The following NINJ2 variants were observed in gnomAD, a reference collection of about 807,000 sequenced individuals.
NINJ2 encodes ninjurin 2.
NINJ2 carries 12 observed loss-of-function variants against 11.7 expected under a neutral mutation model. The observed-to-expected ratio is 1.02, with a 90% CI of 0.66 to 1.66. The LOEUF (loss-of-function observed/expected upper bound fraction) is 1.66. Among genes scored for constraint, NINJ2 ranks in the 40% most tolerant of loss-of-function variants. The pLI is 0.00. For synonymous variants in NINJ2, 93 were observed against 76.8 expected (o/e 1.21, Z -1.10); for missense variants, 187 against 181.8 (o/e 1.03, Z -0.16).
At chr12:608,970 T>C (rs1947976223) in intron 1 of NINJ2, among the ~76,000 whole-genome samples, 1 of 152,120 alleles carries the variant, frequency 6.6e-6, no homozygotes, top group African/African-American at 2.4e-5. Context: ...TAATTCAATC[T>C]AGGCAACACT....
intron 1 of NINJ2, among the ~76,000 whole-genome samples, chr12:620,376 A>G (rs935487452): frequency 2.6e-5 from 4 of 152,264 alleles, no homozygotes; most frequent in Admixed American, 1.3e-4. Flanking sequence ...GGTCTCAGAC[A>G]GTATGGGGTC....
chr12:615,564 G>A (rs1042263096), intron 1 of NINJ2, among the ~76,000 whole-genome samples: 4 of 152,210 alleles, frequency 2.6e-5, no homozygotes, highest in South Asian at 2.1e-4. Flanking sequence ...CTCTAGCCCC[G>A]GGCGACAAGA....
At chr12:618,022 C>G (rs911650588) in intron 1 of NINJ2, among the ~76,000 whole-genome samples, 1 of 151,800 alleles carries the variant, frequency 6.6e-6, no homozygotes, top group African/African-American at 2.4e-5. Context: ...AGGGGGGATT[C>G]TGATTTACGG....
At chr12:605,183 G>A (rs558940174) in intron 1 of NINJ2, among the ~76,000 whole-genome samples, 2 of 152,302 alleles carry the variant, frequency 1.3e-5, no homozygotes, top group African/African-American at 4.8e-5. Context: ...TCAAAACTCC[G>A]CCTTCCCCAC....
At chr12:595,239 T>TGGACAGTAG (rs368668824) in intron 1 of NINJ2, among the ~76,000 whole-genome samples, 89 of 152,298 alleles carry the variant, frequency 5.8e-4, no homozygotes, top group African/African-American at 2.1e-3. Context: ...ATAAAACTCC[T>TGGACAGTAG]GGACAGTAGC....
At chr12:600,228 G>C (rs1043775927) in intron 1 of NINJ2, among the ~76,000 whole-genome samples, 3 of 152,102 alleles carry the variant, frequency 2.0e-5, no homozygotes, top group African/African-American at 7.2e-5. Flanking sequence ...AGGTGGTCAA[G>C]ATAACGAGGG....
chr12:660,912 G>T (rs1347890750), intron 1 of NINJ2, among the ~76,000 whole-genome samples: 5 of 152,142 alleles, frequency 3.3e-5, no homozygotes, highest in Non-Finnish European at 7.3e-5. Context: ...AGTGAGCTGA[G>T]ATTTTGCCAC....
At chr12:656,721 C>G (rs1937878251) in intron 1 of NINJ2, among the ~76,000 whole-genome samples, 1 of 151,022 alleles carries the variant, frequency 6.6e-6, no homozygotes, top group Non-Finnish European at 1.5e-5. Context: ...TGCACTGTAG[C>G]CTGGGTGACA....
chr12:591,110 G>T lies in NINJ2; in HGVS notation c.34-24932C>A, dbSNP rs986624340. 1 of 152,292 alleles carries T rather than the reference G, an allele frequency of 6.6e-6. No individual in the cohort carries two copies. Among genetic ancestry groups the T allele is most frequent in the Non-Finnish European group, 1.5e-5 (1 of 68,070 alleles). 9.4% of individuals were successfully genotyped at this position (152,292 alleles called of 1,614,324 possible). ...TATAGGGAGGTGGCAGAGAAAAGAA[G>T]TTCAGCGAGAGTGGTGCCTCTTTTC... On this transcript the variant is annotated intron_variant, in intron 1 of 3. Coordinates refer to ENST00000305108, the MANE Select transcript of NINJ2 (RefSeq NM_016533.6). This position sits in a 1 kb window ranked among gnomAD's most constrained non-coding sequence, Gnocchi z 5.0.
At chr12:588,904 C>A (rs1464995347) in intron 1 of NINJ2, among the ~76,000 whole-genome samples, 1 of 152,190 alleles carries the variant, frequency 6.6e-6, no homozygotes, top group African/African-American at 2.4e-5. Context: ...AGCACTTTCA[C>A]GTCCTTGGTA....
chr12:613,687 C>T (rs1296144985), intron 1 of NINJ2, among the ~76,000 whole-genome samples: 2 of 152,030 alleles, frequency 1.3e-5, no homozygotes, highest in Non-Finnish European at 2.9e-5. Context: ...GGGCAGATCA[C>T]GAGGTCAGGA....
At chr12:620,865 G>T (rs1415814703) in intron 1 of NINJ2, among the ~76,000 whole-genome samples, 1 of 152,076 alleles carries the variant, frequency 6.6e-6, no homozygotes, top group Admixed American at 6.6e-5. Context: ...CCTGACCTCA[G>T]GTGATCCACC....
At chr12:660,037 C>G (rs900013361) in intron 1 of NINJ2, among the ~76,000 whole-genome samples, 5 of 152,012 alleles carry the variant, frequency 3.3e-5, no homozygotes, top group African/African-American at 1.2e-4. Context: ...GTAATCCCAA[C>G]ACTTTGGGAG....
At chr12:647,644 A>AAAGGAGCC in intron 1 of NINJ2, among the ~76,000 whole-genome samples, 1 of 152,294 alleles carries the variant, frequency 6.6e-6, no homozygotes, top group South Asian at 2.1e-4. Context: ...TACCTGGGAG[A>AAAGGAGCC]AAGGAGCCAG....
rs182548955 is a variant in NINJ2 at position 631,596 on chromosome 12, T to A, written c.33+31732A>T. ...CCAGGATGGTTTCTATCTCTTGACC[T>A]CGTGATCCGCCTGCCTCGGCCTCCA... On this transcript the variant is annotated intron_variant, in intron 1 of 3. Transcript: ENST00000305108. 4.9e-4 allele frequency among the ~76,000 whole-genome samples: 75 copies of A among 152,202 alleles called. No individual in the cohort carries two copies. The East Asian group carries it at 0.011, about 22-fold the overall frequency.
intron 1 of NINJ2, among the ~76,000 whole-genome samples, chr12:649,187 C>T (rs914317713): frequency 1.3e-5 from 2 of 152,070 alleles, no homozygotes; most frequent in African/African-American, 4.8e-5. Context: ...GCTGGGATTA[C>T]AGGCATGCGC....
At chr12:636,855 G>T (rs1023261236) in intron 1 of NINJ2, among the ~76,000 whole-genome samples, 1 of 152,156 alleles carries the variant, frequency 6.6e-6, no homozygotes, top group East Asian at 1.9e-4. Context: ...CAAAAAGTTA[G>T]AGAATTACCA....
At chr12:616,888 T>C (rs966464953) in intron 1 of NINJ2, among the ~76,000 whole-genome samples, 5 of 152,130 alleles carry the variant, frequency 3.3e-5, no homozygotes, top group Admixed American at 6.5e-5. Flanking sequence ...CTTGGAAAGC[T>C]AGCATTGCCT....
intron 1 of NINJ2, among the ~76,000 whole-genome samples, chr12:656,208 CA>C (rs1274976868): frequency 6.6e-6 from 1 of 150,620 alleles, no homozygotes; most frequent in Non-Finnish European, 1.5e-5. Flanking sequence ...ACTAAAAATA[CA>C]AAAAATTAGC....
Sources: allele counts gnomAD v4.1 joint callset (sites outside exome capture counted in the v4.1 genomes callset), GRCh38; gene constraint gnomAD v4.1.1; non-coding constraint Gnocchi (gnomAD v3.1); transcripts MANE v1.5; gene names NCBI Gene and HGNC (gene_info 2026-07-23, HGNC 2026-07-21).